The following ARHGAP26 variants were observed in gnomAD, a reference collection of about 807,000 sequenced individuals.
ARHGAP26 encodes the protein Rho GTPase activating protein 26.
ARHGAP26 carries 38 observed loss-of-function variants against 104.8 expected under a neutral mutation model. That is an observed-to-expected ratio of 0.36 (90% CI 0.28 to 0.48). The LOEUF (loss-of-function observed/expected upper bound fraction) is 0.48, where lower values mean the gene tolerates loss of function less well. ARHGAP26 is among the 20% of genes least tolerant of loss of function. ARHGAP26 has a pLI of 0.99. For missense variants in ARHGAP26, 704 were observed against 947.9 expected (o/e 0.74, Z 3.38); for synonymous variants, 341 against 340.0 (o/e 1.00, Z -0.03).
At position 142,789,588 on chromosome 5, in the gene ARHGAP26, A is replaced by G. The variant is rs1047294504; in HGVS notation, c.154+18673A>G. Among the ~76,000 whole-genome samples the G allele has an allele frequency of 3.3e-5, 5 of 152,218 alleles. No homozygotes were observed. The South Asian group carries it at 1.0e-3, about 32-fold the overall frequency. On this transcript the variant is annotated intron_variant, in intron 1 of 22. Coordinates refer to ENST00000645722, the MANE Select transcript of ARHGAP26 (RefSeq NM_001135608.3). ...GTACTTCTTTGAGTCTAATGTAAGT[A>G]TCTGTTGTAGTACTTAACAAAAAGT...
intron 6 of ARHGAP26, among the ~76,000 whole-genome samples, chr5:142,896,806 C>T (rs1335775472): frequency 6.6e-6 from 1 of 152,076 alleles, no homozygotes; most frequent in African/African-American, 2.4e-5. Context: ...TTCTCTGAGC[C>T]TTACTTTCCC....
intron 14 of ARHGAP26, among the ~76,000 whole-genome samples, chr5:143,053,028 G>A (rs980517066): frequency 6.6e-6 from 1 of 152,176 alleles, no homozygotes; most frequent in Admixed American, 6.5e-5. Flanking sequence ...TGGCTCATAT[G>A]ATAAGAAGGA....
Position 142,879,396 on chromosome 5 carries a change from T to C in ARHGAP26, c.335T>C (p.Leu112Pro), listed in dbSNP as rs113632964. Residue 112 changes from leucine (L) to proline (P), a missense_variant, in exon 4 of 23, where the codon CTC becomes CCC. Physicochemically the swap from Leu to Pro is moderately conservative, Grantham distance 98. Coordinates refer to ENST00000645722, the MANE Select transcript of ARHGAP26 (RefSeq NM_001135608.3). The stretch of plus-strand genomic sequence containing the variant: ...CAGATTGAGAATGCCAGCGAGGTGC[T>C]CATCACTCCCTTGGAGAAGTTTCGA... The part of the protein sequence containing the change: ...IRMIENASEV[L>P]ITPLEKFRKE... 6.2e-7 allele frequency: 1 copy of C among 1,614,126 alleles called. No homozygotes were observed. The highest frequency in any genetic ancestry group is 8.5e-7 in the Non-Finnish European group (1 of 1,180,006).
intron 13 of ARHGAP26, 71 bp downstream of exon 13, chr5:143,037,332 C>T (rs1782815108): frequency 7.7e-7 from 1 of 1,290,402 alleles, no homozygotes; most frequent in Non-Finnish European, 1.1e-6. Flanking sequence ...AGACCTGCTA[C>T]CTGCTGTTTC....
intron 17 of ARHGAP26, among the ~76,000 whole-genome samples, chr5:143,116,105 GTA>G (rs2150751188): frequency 6.6e-6 from 1 of 152,306 alleles, no homozygotes; most frequent in South Asian, 2.1e-4. Flanking sequence ...GTCTGTTTAT[GTA>G]TGTGTGTATT....
intron 14 of ARHGAP26, among the ~76,000 whole-genome samples, chr5:143,046,129 CA>C (rs761185570): frequency 6.6e-6 from 1 of 151,822 alleles, no homozygotes; most frequent in Non-Finnish European, 1.5e-5. Context: ...AACGAAACTC[CA>C]TCCCCAAAAA....
At position 143,226,937 on chromosome 5, in the gene ARHGAP26, AT is replaced by A. The variant is rs750671873; in HGVS notation, c.*4492del. ...CTGCGGCTCAAAGGGAAGGCCTTCT[AT>A]CCCCTGAGTTTCTATCAGCTGAAAA... is the stretch of plus-strand genomic sequence containing the variant. On this transcript the variant is annotated 3_prime_UTR_variant, in exon 23 of 23. Transcript: ENST00000645722. 42 of 227,360 alleles carry A rather than the reference AT, an allele frequency of 1.8e-4. 1 individual carries two copies. Among genetic ancestry groups the A allele is most frequent in the Non-Finnish European group, 3.1e-4 (36 of 114,458 alleles). 14.1% of individuals were successfully genotyped at this position (227,360 alleles called of 1,614,324 possible).
chr5:143,025,318 T>C (rs1028151227), intron 12 of ARHGAP26, among the ~76,000 whole-genome samples: 1 of 152,166 alleles, frequency 6.6e-6, no homozygotes, highest in African/African-American at 2.4e-5. Context: ...TGCCCTCTCT[T>C]TCCCTGCCCT....
intron 20 of ARHGAP26, chr5:143,168,422 A>G (rs1802312672): frequency 7.1e-6 from 1 of 140,550 alleles, no homozygotes; most frequent in African/African-American, 2.6e-5. Flanking sequence ...TTCATAGTCA[A>G]ATAGACCTCA....
intron 1 of ARHGAP26, among the ~76,000 whole-genome samples, chr5:142,825,676 T>A (rs1425253743): frequency 6.6e-6 from 1 of 152,222 alleles, no homozygotes; most frequent in Non-Finnish European, 1.5e-5. Flanking sequence ...AGGACTTTTT[T>A]TGGAAAGCTA....
intron 12 of ARHGAP26, among the ~76,000 whole-genome samples, chr5:143,027,943 T>C (rs1450382298): frequency 1.3e-5 from 2 of 152,050 alleles, no homozygotes; most frequent in Non-Finnish European, 2.9e-5. Context: ...TTCACTGGAG[T>C]TGAGAGCCGC....
rs571020857 is a variant in ARHGAP26 at position 143,222,031 on chromosome 5, G to A, written c.2192-327G>A. Among the ~76,000 whole-genome samples the A allele has an allele frequency of 3.2e-4, 48 of 152,242 alleles. No homozygotes were observed. The Middle Eastern group carries it at 0.01, about 32-fold the overall frequency. On this transcript the variant is annotated intron_variant, in intron 22 of 22. Transcript: ENST00000645722. The stretch of plus-strand genomic sequence containing the variant: ...AGTAGGAATCTGTCACTTCTTTGTA[G>A]TTTAAACCAGGAGCTTCAGAAAATC...
chr5:143,085,332 A>G (rs1198735544), intron 17 of ARHGAP26, among the ~76,000 whole-genome samples: 2 of 152,130 alleles, frequency 1.3e-5, no homozygotes, highest in African/African-American at 4.8e-5. Context: ...GTGATGAAAA[A>G]CAGAGGCAGA....
intron 1 of ARHGAP26, among the ~76,000 whole-genome samples, chr5:142,811,606 A>G (rs1764086332): frequency 6.6e-6 from 1 of 152,202 alleles, no homozygotes; most frequent in Non-Finnish European, 1.5e-5. Context: ...GGACAGAATC[A>G]TGCCTTTGCG....
chr5:142,871,872 C>T lies in ARHGAP26; in HGVS notation c.155-1528C>T, dbSNP rs1465437516. Among the ~76,000 whole-genome samples the T allele has an allele frequency of 6.6e-6, 1 of 152,220 alleles. No individual in the cohort carries two copies. Among genetic ancestry groups the T allele is most frequent in the Non-Finnish European group, 1.5e-5 (1 of 68,040 alleles). ...AGGGAGAGATCGGAGACTGTTGGCT[C>T]CTGTGTTCCCCTTCTCCACCCCAAG... On this transcript the variant is annotated intron_variant, in intron 1 of 22. Coordinates refer to ENST00000645722, the MANE Select transcript of ARHGAP26 (RefSeq NM_001135608.3). This position sits in a 1 kb window ranked among gnomAD's most constrained non-coding sequence, Gnocchi z 4.1.
intron 6 of ARHGAP26, among the ~76,000 whole-genome samples, chr5:142,898,163 TACACACACACATAC>T (rs573292991): frequency 0.013 from 1,733 of 129,602 alleles, 26 homozygotes; most frequent in African/African-American, 0.058. Flanking sequence ...TATATATATA[TACACACACACATAC>T]ACACACACAC....
intron 18 of ARHGAP26, among the ~76,000 whole-genome samples, chr5:143,129,957 A>G (rs935080041): frequency 3.3e-5 from 5 of 152,142 alleles, no homozygotes; most frequent in African/African-American, 1.2e-4. Context: ...CAGGATTTGA[A>G]CCCTACTCTG....
At chr5:143,121,970 A>G (rs1221213522) in intron 18 of ARHGAP26, among the ~76,000 whole-genome samples, 2 of 152,206 alleles carry the variant, frequency 1.3e-5, no homozygotes, top group East Asian at 1.9e-4. Context: ...TTAATCATGC[A>G]CAATAAATCC....
chr5:143,119,667 G>C (rs1044381970), intron 17 of ARHGAP26, among the ~76,000 whole-genome samples: 9 of 152,174 alleles, frequency 5.9e-5, no homozygotes, highest in Non-Finnish European at 1.2e-4. Flanking sequence ...TGCAGGTGTT[G>C]CTTAGCAATC....
Sources: gnomAD v4.1 joint callset for allele counts (sites outside exome capture counted in the v4.1 genomes callset) on GRCh38, gnomAD v4.1.1 for gene constraint, Gnocchi (gnomAD v3.1) non-coding constraint, MANE v1.5 for transcripts, NCBI Gene and HGNC (gene_info 2026-07-23, HGNC 2026-07-21) for gene names.